Variants in PSMD13 observed in about 807,000 individuals in gnomAD.
PSMD13 encodes the protein 26S proteasome non-ATPase regulatory subunit 13.
A neutral mutation model predicts 57.4 loss-of-function variants in PSMD13; 8 were observed. The observed-to-expected ratio is 0.14, with a 90% CI of 0.08 to 0.25. The LOEUF is 0.25. Ranked by LOEUF, PSMD13 falls within the 10% of genes least tolerant of loss-of-function variation. PSMD13 has a pLI of 1.00. For synonymous variants in PSMD13, 193 were observed against 168.2 expected, an observed-to-expected ratio of 1.15 and a Z score of -1.14; for missense variants, 400 against 461.5, an observed-to-expected ratio of 0.87 and a Z score of 1.22.
chr11:245,672 G>T (rs1181314904), intron 6 of PSMD13, among the ~76,000 whole-genome samples: 1 of 138,266 alleles, frequency 7.2e-6, no homozygotes, highest in Admixed American at 7.4e-5. Context: ...GTGTGTGTGT[G>T]TGTGTGTGTT....
At chr11:247,159 G>A (rs776147035) in intron 6 of PSMD13, 118 bp from the exon 7 acceptor site, 136 of 954,598 alleles carry the variant, frequency 1.4e-4, no homozygotes, top group Non-Finnish European at 1.9e-4. Context: ...GAGGTGGGAG[G>A]ATCACTTGAG....
intron 2 of PSMD13, among the ~76,000 whole-genome samples, chr11:240,153 G>C (rs1008023400): frequency 2.6e-5 from 3 of 113,750 alleles, no homozygotes; most frequent in African/African-American, 9.5e-5. Flanking sequence ...CTTGTTGCCC[G>C]GGCTGGAGTG....
At chr11:248,063 C>CT (rs1391859046) in intron 7 of PSMD13, 3 of 151,110 alleles carry the variant, frequency 2.0e-5, no homozygotes, top group Non-Finnish European at 4.4e-5. Flanking sequence ...CTTCTGAGCC[C>CT]TCCCCGCCCA....
In PSMD13 at chr11:251,724, T is replaced by C; in HGVS notation, c.919-96T>C. 2 of 1,535,420 alleles carry C rather than the reference T, an allele frequency of 1.3e-6. No individual in the cohort carries two copies. The highest frequency in any genetic ancestry group is 2.3e-5 in the South Asian group (2 of 88,598). Reference sequence around the variant, plus strand: ...GCTGTGCTCCCTAGACAGTAAAAAATGACGGGAGGAGCGGCATCTGCTTCT... The same window carrying C: ...GCTGTGCTCCCTAGACAGTAAAAAACGACGGGAGGAGCGGCATCTGCTTCT... On this transcript the variant is annotated intron_variant, in intron 11 of 12. Coordinates refer to ENST00000532097, the MANE Select transcript of PSMD13 (RefSeq NM_002817.4). This position sits in a 1 kb window ranked among gnomAD's most constrained non-coding sequence, Gnocchi z 4.6.
chr11:251,276 C>G lies in PSMD13; in HGVS notation c.838-270C>G, dbSNP rs908225819. ...TTTGCCGTGGTCACCCCTGGTCAAC[C>G]CTGGCAAATTGTGGCCTCAAGTACT... On this transcript the variant is annotated intron_variant, in intron 10 of 12. Coordinates refer to ENST00000532097, the MANE Select transcript of PSMD13 (RefSeq NM_002817.4). This position sits in a 1 kb window ranked among gnomAD's most constrained non-coding sequence, Gnocchi z 4.6. The G allele has an allele frequency of 1.8e-5, 9 of 491,314 alleles. No homozygotes were observed. In the South Asian group the frequency reaches 2.3e-4, roughly 13 times the overall value. 30.4% of individuals were successfully genotyped at this position (491,314 alleles called of 1,614,324 possible).
chr11:244,623 T>C, intron 5 of PSMD13, 52 bp from the exon 6 acceptor site: 1 of 1,558,550 alleles, frequency 6.4e-7, no homozygotes, highest in South Asian at 1.1e-5. Flanking sequence ...CTTCCTTTGT[T>C]AGTCAACTGC....
intron 9 of PSMD13, 159 bp from the exon 10 acceptor site, chr11:250,641 CTTG>C (rs369883630): frequency 3.6e-4 from 217 of 605,664 alleles, no homozygotes; most frequent in African/African-American, 3.2e-3. Context: ...GCTCAGATCA[CTTG>C]TTGTTAATGA....
At chr11:239,461 C>T (rs1859469279) in intron 2 of PSMD13, among the ~76,000 whole-genome samples, 1 of 152,106 alleles carries the variant, frequency 6.6e-6, no homozygotes, top group South Asian at 2.1e-4. Flanking sequence ...AAAGTTCAAA[C>T]CCAGTTAGAG....
chr11:251,260 G>A lies in PSMD13; in HGVS notation c.838-286G>A. On this transcript the variant is annotated intron_variant, in intron 10 of 12. Coordinates refer to ENST00000532097, the MANE Select transcript of PSMD13 (RefSeq NM_002817.4). This position sits in a 1 kb window ranked among gnomAD's most constrained non-coding sequence, Gnocchi z 4.6. The stretch of plus-strand genomic sequence containing the variant: ...GCCCTTAGATTTCTGGTTTGCCGTG[G>A]TCACCCCTGGTCAACCCTGGCAAAT... 2.1e-6 allele frequency: 1 copy of A among 468,208 alleles called. No homozygotes were observed. Among genetic ancestry groups the A allele is most frequent in the Non-Finnish European group, 3.8e-6 (1 of 261,576 alleles). 29.0% of individuals were successfully genotyped at this position (468,208 alleles called of 1,614,324 possible).
At chr11:250,767 A>T in intron 9 of PSMD13, 36 bp from the exon 10 acceptor site, 1 of 1,594,400 alleles carries the variant, frequency 6.3e-7, no homozygotes, top group South Asian at 1.1e-5. Flanking sequence ...AAGCACAAAC[A>T]TGGAAGACAT....
Position 244,407 on chromosome 11 carries a change from A to G in PSMD13, c.266-19A>G. On this transcript the variant is annotated intron_variant, in intron 4 of 12. Coordinates refer to ENST00000532097, the MANE Select transcript of PSMD13 (RefSeq NM_002817.4). ...AACCAGTCTGTTGATGGTCCTTCTG[A>G]TTGTTCCTTCTTTTCCAGATCCTAA... 5 of 1,607,162 alleles carry G rather than the reference A, an allele frequency of 3.1e-6. No individual in the cohort carries two copies. Among genetic ancestry groups the G allele is most frequent in the Non-Finnish European group, 4.3e-6 (5 of 1,174,150 alleles).
chr11:239,196 A>C, intron 2 of PSMD13, 120 bp downstream of exon 2: 1 of 982,680 alleles, frequency 1.0e-6, no homozygotes, highest in Non-Finnish European at 1.6e-6. Context: ...ACTTTACGTC[A>C]GGTACTGGTC....
chr11:252,825 A>G lies in PSMD13; in HGVS notation c.*225A>G, dbSNP rs1343887482. On this transcript the variant is annotated 3_prime_UTR_variant, in exon 13 of 13. Coordinates refer to ENST00000532097, the MANE Select transcript of PSMD13 (RefSeq NM_002817.4). The surrounding 1 kb of genome is among the most constrained non-coding windows in gnomAD (Gnocchi z 4.1). Reference sequence around the variant, plus strand: ...CTCTCCTGCAGAGGGTGGGGGTCTCAGGGTCTTAGGTGATACGGGAGAGAA... The same window carrying G: ...CTCTCCTGCAGAGGGTGGGGGTCTCGGGGTCTTAGGTGATACGGGAGAGAA... 2 of 520,800 alleles carry G rather than the reference A, an allele frequency of 3.8e-6. No individual in the cohort carries two copies. Among genetic ancestry groups the G allele is most frequent in the Non-Finnish European group, 3.5e-6 (1 of 287,352 alleles). 32.3% of individuals were successfully genotyped at this position (520,800 alleles called of 1,614,324 possible).
intron 1 of PSMD13, among the ~76,000 whole-genome samples, chr11:237,947 G>T (rs1160331928): frequency 1.3e-5 from 2 of 152,192 alleles, no homozygotes; most frequent in Non-Finnish European, 2.9e-5. Flanking sequence ...TCACATAGAT[G>T]TTCCATACAT....
Position 252,188 on chromosome 11 carries a change from A to G in PSMD13, c.1035+252A>G. On this transcript the variant is annotated intron_variant, in intron 12 of 12. Coordinates refer to ENST00000532097, the MANE Select transcript of PSMD13 (RefSeq NM_002817.4). The surrounding 1 kb of genome is among the most constrained non-coding windows in gnomAD (Gnocchi z 4.1). ...GCTGACGGTGCCTTTTAATCTTAAG[A>G]TAGGAGCTCTGATCAGATACGTTCC... 1.9e-6 allele frequency: 1 copy of G among 514,752 alleles called. No homozygotes were observed. Among genetic ancestry groups the G allele is most frequent in the Non-Finnish European group, 3.5e-6 (1 of 286,810 alleles). The allele number at this position is 514,752 out of a possible 1,614,324, so 31.9% of individuals were successfully genotyped here.
chr11:239,561 C>T (rs56175250), intron 2 of PSMD13, among the ~76,000 whole-genome samples: 1,660 of 152,206 alleles, frequency 0.011, 32 homozygotes, highest in African/African-American at 0.038. Flanking sequence ...TGCTTGCTTG[C>T]CCAGACACTT....
chr11:249,840 T>C (rs1184755755), intron 9 of PSMD13, among the ~76,000 whole-genome samples: 1 of 152,180 alleles, frequency 6.6e-6, no homozygotes, highest in Admixed American at 6.5e-5. Flanking sequence ...TGTATTTTTC[T>C]GAAACTTTCA....
At position 251,758 on chromosome 11, in the gene PSMD13, A is replaced by G; in HGVS notation, c.919-62A>G. The G allele has an allele frequency of 6.4e-7, 1 of 1,561,514 alleles. No homozygotes were observed. The highest frequency in any genetic ancestry group is 8.8e-7 in the Non-Finnish European group (1 of 1,134,960). On this transcript the variant is annotated intron_variant, in intron 11 of 12. Coordinates refer to ENST00000532097, the MANE Select transcript of PSMD13 (RefSeq NM_002817.4). This position sits in a 1 kb window ranked among gnomAD's most constrained non-coding sequence, Gnocchi z 4.6. ...GAGCGGCATCTGCTTCTCACAAGCC[A>G]TCTGGGTCCATGGGGGTGTGTCAGG... is the stretch of plus-strand genomic sequence containing the variant.
At position 244,821 on chromosome 11, in the gene PSMD13, A is replaced by C. The variant is rs990721241; in HGVS notation, c.396+60A>C. On this transcript the variant is annotated intron_variant, in intron 6 of 12. Coordinates refer to ENST00000532097, the MANE Select transcript of PSMD13 (RefSeq NM_002817.4). ...TAAAATTATTTAAAACCCTAGGAAAAAAAATAACCTATTTTTCTTCTTTAC... is the reference window on the plus strand; with the variant it reads ...TAAAATTATTTAAAACCCTAGGAAACAAAATAACCTATTTTTCTTCTTTAC... The C allele has an allele frequency of 1.4e-5, 18 of 1,325,616 alleles. No individual in the cohort carries two copies. The African/African-American group carries it at 2.6e-4, about 19-fold the overall frequency. The allele number at this position is 1,325,616 out of a possible 1,614,324, so 82.1% of individuals were successfully genotyped here.
Sources: gnomAD v4.1 joint callset for allele counts (sites outside exome capture counted in the v4.1 genomes callset) on GRCh38, gnomAD v4.1.1 for gene constraint, Gnocchi (gnomAD v3.1) non-coding constraint, MANE v1.5 for transcripts, NCBI Gene and HGNC (gene_info 2026-07-23, HGNC 2026-07-21) for gene names.